Variants in PDXDC1 observed in about 807,000 individuals in gnomAD.
PDXDC1 encodes pyridoxal dependent decarboxylase domain containing 1, also known as pyridoxal-dependent decarboxylase domain-containing protein 1.
Under a neutral mutation model 100.1 loss-of-function variants are expected in PDXDC1, and 42 were observed. The observed-to-expected ratio is 0.42, with a 90% CI of 0.33 to 0.54. The LOEUF (loss-of-function observed/expected upper bound fraction) is 0.54. Ranked by LOEUF, PDXDC1 falls within the 20% of genes least tolerant of loss-of-function variation. The pLI is 0.10. For synonymous variants in PDXDC1, 260 were observed against 371.7 expected (o/e 0.70, Z 3.46); for missense variants, 636 against 979.2 (o/e 0.65, Z 4.68).
chr16:15,111,696 T>C (rs1186680659), intron 16 of PDXDC1, among the ~76,000 whole-genome samples: 2 of 126,684 alleles, frequency 1.6e-5, no homozygotes, highest in South Asian at 5.3e-4. Flanking sequence ...AGGCAGAGGT[T>C]GCAGTGAGCC....
chr16:15,127,087 C>T (rs1038948935), intron 16 of PDXDC1: 4 of 354,908 alleles, frequency 1.1e-5, no homozygotes, highest in African/African-American at 8.6e-5. Flanking sequence ...CACACCCGGC[C>T]CGGCCACTGG....
At chr16:14,988,160 G>A in intron 1 of PDXDC1, 2 of 1,539,964 alleles carry the variant, frequency 1.3e-6, no homozygotes, top group Non-Finnish European at 1.8e-6. Flanking sequence ...AAGGCACAAA[G>A]GGCGGGTGCT....
downstream of PDXDC1, among the ~76,000 whole-genome samples, chr16:15,144,123 G>T (rs2048517164): frequency 6.6e-6 from 1 of 152,138 alleles, no homozygotes; most frequent in South Asian, 2.1e-4. Context: ...CCTCCGCCCA[G>T]CAAGAGGACC....
At chr16:15,151,424 CAAAAAAAAAAAAAAA>C in the PDXDC1 span, among the ~76,000 whole-genome samples, 1 of 14,444 alleles carries the variant, frequency 6.9e-5, no homozygotes, top group African/African-American at 2.1e-4. Flanking sequence ...GACTCCGTCT[CAAAAAAAAAAAAAAA>C]AAAAAAAAAA....
chr16:15,033,222 C>T (rs1260274794), intron 18 of PDXDC1, 56 bp from the exon 19 acceptor site: 35 of 1,597,024 alleles, frequency 2.2e-5, no homozygotes, highest in South Asian at 5.5e-5. Flanking sequence ...AGTAGGTCCA[C>T]GTCTCACCCA....
chr16:15,128,134 C>G (rs1241973978), intron 16 of PDXDC1: 47 of 1,609,928 alleles, frequency 2.9e-5, no homozygotes, highest in Non-Finnish European at 4.0e-5. Flanking sequence ...CAGGGCTGAG[C>G]CCTGCAGAGG....
the PDXDC1 span, among the ~76,000 whole-genome samples, chr16:15,148,392 TTTTTTTTTTGA>T: frequency 7.8e-6 from 1 of 128,130 alleles, no homozygotes; most frequent in Admixed American, 7.8e-5. Context: ...TTTTTTTTTT[TTTTTTTTTTGA>T]GACAGGGTCT....
rs538331117 is a variant in PDXDC1, at chr16:15,075,466, G to C, written c.1399+45410G>C. On this transcript the variant is annotated intron_variant, in intron 16 of 16. Transcript: ENST00000535621. The stretch of plus-strand genomic sequence containing the variant: ...TACACTGTAGTCCCAGCTACTCGGG[G>C]AGGCTGAGGTGGGCAGATCACTTGG... Among the ~76,000 whole-genome samples, 10 of 151,832 alleles carry C rather than the reference G, an allele frequency of 6.6e-5. No homozygotes were observed. In the South Asian group the frequency reaches 1.3e-3, roughly 19 times the overall value.
At chr16:15,067,533 C>T (rs903704074) in intron 16 of PDXDC1, among the ~76,000 whole-genome samples, 4 of 143,162 alleles carry the variant, frequency 2.8e-5, no homozygotes, top group Non-Finnish European at 6.2e-5. Context: ...ACAGAACTCT[C>T]TAAACCAATC....
chr16:15,150,347 C>CAATAAATAAATAAATA, the PDXDC1 span, among the ~76,000 whole-genome samples: 4 of 141,112 alleles, frequency 2.8e-5, no homozygotes, highest in Non-Finnish European at 6.2e-5. Flanking sequence ...TCTCAAATAA[C>CAATAAATAAATAAATA]AATAAATAAA....
At chr16:15,074,802 C>G (rs2045381217) in intron 16 of PDXDC1, 1 of 1,613,878 alleles carries the variant, frequency 6.2e-7, no homozygotes, top group South Asian at 1.1e-5. Context: ...CAGGATGCAC[C>G]ATCTGGTCGA....
At chr16:15,091,010 G>C (rs943807593) in intron 16 of PDXDC1, among the ~76,000 whole-genome samples, 14 of 152,162 alleles carry the variant, frequency 9.2e-5, no homozygotes, top group African/African-American at 3.4e-4. Context: ...TTGTCATTTG[G>C]GGCTGGATCA....
intron 16 of PDXDC1, among the ~76,000 whole-genome samples, chr16:15,114,926 A>AT (rs2047189847): frequency 4.2e-5 from 4 of 94,860 alleles, no homozygotes; most frequent in African/African-American, 3.1e-5. Flanking sequence ...AAAAAAAAAA[A>AT]ATTTTTTTTT....
intron 16 of PDXDC1, chr16:15,060,096 A>AT: frequency 3.0e-6 from 1 of 332,544 alleles, no homozygotes; most frequent in East Asian, 1.0e-4. Context: ...TCATTGTTTC[A>AT]TTTTCACCAT....
chr16:15,029,073 A>G (rs560448986), intron 15 of PDXDC1, 107 bp downstream of exon 15: 140 of 1,287,796 alleles, frequency 1.1e-4, no homozygotes, highest in Non-Finnish European at 1.3e-4. Flanking sequence ...GGCCCACAGG[A>G]GGAGCCGCCC....
chr16:15,077,990 T>C (rs535057392), intron 16 of PDXDC1, among the ~76,000 whole-genome samples: 4 of 152,220 alleles, frequency 2.6e-5, no homozygotes, highest in Non-Finnish European at 4.4e-5. Context: ...AGCAGAAAAA[T>C]GATGAACTGC....
intron 16 of PDXDC1, among the ~76,000 whole-genome samples, chr16:15,078,240 C>A (rs2045548961): frequency 6.6e-6 from 1 of 152,186 alleles, no homozygotes; most frequent in South Asian, 2.1e-4. Context: ...TCTTCTGAGA[C>A]CTTGTTCCAT....
intron 16 of PDXDC1, among the ~76,000 whole-genome samples, chr16:15,072,522 C>T (rs1020558004): frequency 3.3e-5 from 5 of 152,074 alleles, no homozygotes; most frequent in African/African-American, 1.2e-4. Context: ...GGAACGTGGG[C>T]CAGGCACAGT....
At chr16:15,130,917 AGCT>A in intron 16 of PDXDC1, 1 of 706,664 alleles carries the variant, frequency 1.4e-6, no homozygotes, top group South Asian at 1.6e-5. Flanking sequence ...TCTGCACCAG[AGCT>A]GGCACCTGCT....
Sources: allele counts gnomAD v4.1 joint callset (sites outside exome capture counted in the v4.1 genomes callset), GRCh38; gene constraint gnomAD v4.1.1; transcripts MANE v1.5; gene names NCBI Gene and HGNC (gene_info 2026-07-23, HGNC 2026-07-21).